Variants in STK3 observed in about 807,000 individuals in gnomAD.
STK3 encodes serine/threonine kinase 3, also known as serine/threonine-protein kinase 3.
In STK3, 41 loss-of-function variants were observed where a neutral mutation model predicts 58.0. The ratio of observed to expected loss-of-function variants is 0.71; its 90% confidence interval spans 0.55 to 0.92. STK3 has a LOEUF of 0.92. Among genes scored for constraint, STK3 ranks in the 40% least tolerant of loss-of-function variants. STK3 has a pLI of 0.00. For missense variants in STK3, 479 were observed against 602.7 expected, an observed-to-expected ratio of 0.79 and a Z score of 2.15; for synonymous variants, 170 against 191.0, an observed-to-expected ratio of 0.89 and a Z score of 0.91.
chr8:98,408,547 AT>A (rs1186772028), intron 3 of STK3, among the ~76,000 whole-genome samples: 1 of 152,088 alleles, frequency 6.6e-6, no homozygotes, highest in Non-Finnish European at 1.5e-5. Flanking sequence ...ACGCACAACA[AT>A]TTATTCTCAA....
At chr8:98,445,304 T>C (rs910454648) in intron 1 of STK3, among the ~76,000 whole-genome samples, 2 of 152,202 alleles carry the variant, frequency 1.3e-5, no homozygotes, top group African/African-American at 4.8e-5. Flanking sequence ...GCTAATAGAC[T>C]GTCACTGTCA....
At chr8:98,656,501 C>CT (rs1821541537) in intron 6 of STK3, among the ~76,000 whole-genome samples, 2 of 151,476 alleles carry the variant, frequency 1.3e-5, no homozygotes, top group Admixed American at 6.6e-5. Flanking sequence ...AAAAAGTTTC[C>CT]TTTTTTATAT....
At chr8:98,352,436 A>G in the STK3 span, among the ~76,000 whole-genome samples, 1 of 152,176 alleles carries the variant, frequency 6.6e-6, no homozygotes. Context: ...CTGAAATCCA[A>G]AATACTCCAG....
chr8:98,349,509 C>G, the STK3 span, among the ~76,000 whole-genome samples: 1 of 152,228 alleles, frequency 6.6e-6, no homozygotes, highest in Non-Finnish European at 1.5e-5. Context: ...GCCCTCTTCT[C>G]CCAGCTCCAC....
intron 1 of STK3, among the ~76,000 whole-genome samples, chr8:98,442,734 T>C (rs1818742694): frequency 6.6e-6 from 1 of 152,242 alleles, no homozygotes. Context: ...AACAAATGTA[T>C]AAAATAAAGA....
downstream of STK3, among the ~76,000 whole-genome samples, chr8:98,396,710 T>G (rs755946405): frequency 6.6e-6 from 1 of 152,176 alleles, no homozygotes; most frequent in Non-Finnish European, 1.5e-5. Flanking sequence ...TGGGAGGCAG[T>G]GACTGGGTGG....
chr8:98,595,595 T>C (rs1026137454), intron 7 of STK3: 1 of 152,414 alleles, frequency 6.6e-6, no homozygotes, highest in Non-Finnish European at 1.5e-5. Context: ...ATACAAAGTC[T>C]ACTTACAATT....
chr8:98,585,947 G>A (rs546946254), intron 7 of STK3, among the ~76,000 whole-genome samples: 1 of 152,214 alleles, frequency 6.6e-6, no homozygotes, highest in East Asian at 1.9e-4. Context: ...CATTGATTTT[G>A]TATCCTGAAA....
chr8:98,917,201 TGCCTTGAC>T (rs1316588752), intron 1 of STK3, among the ~76,000 whole-genome samples: 5 of 152,234 alleles, frequency 3.3e-5, no homozygotes, highest in African/African-American at 1.2e-4. Flanking sequence ...CCTGTTTAAT[TGCCTTGAC>T]ACACAATAGG....
At chr8:98,569,630 G>A (rs1178514633) in intron 8 of STK3, among the ~76,000 whole-genome samples, 18 of 151,978 alleles carry the variant, frequency 1.2e-4, no homozygotes, top group Admixed American at 1.2e-3. Context: ...CAAAAACGGA[G>A]ACAATTATTG....
intron 10 of STK3, among the ~76,000 whole-genome samples, chr8:98,469,014 C>T (rs1364932660): frequency 6.6e-6 from 1 of 151,950 alleles, no homozygotes; most frequent in African/African-American, 2.4e-5. Flanking sequence ...GAGGCTGAGG[C>T]AGCAGAATCG....
intron 1 of STK3, among the ~76,000 whole-genome samples, chr8:98,919,738 A>G (rs1314893131): frequency 6.6e-6 from 1 of 152,234 alleles, no homozygotes; most frequent in Non-Finnish European, 1.5e-5. Flanking sequence ...AGTGTTCATT[A>G]TACTATTGGA....
intron 1 of STK3, among the ~76,000 whole-genome samples, chr8:98,382,126 A>C (rs1044103416): frequency 6.6e-6 from 1 of 152,142 alleles, no homozygotes; most frequent in Non-Finnish European, 1.5e-5. Flanking sequence ...AGCTGAGTGC[A>C]GACTGGGGCA....
intron 6 of STK3, among the ~76,000 whole-genome samples, chr8:98,608,928 T>C (rs1360750194): frequency 6.6e-6 from 1 of 152,256 alleles, no homozygotes; most frequent in African/African-American, 2.4e-5. Context: ...ATTTTTAAAG[T>C]AATAAATTGG....
intron 1 of STK3, chr8:98,905,359 T>C (rs1838852996): frequency 9.7e-7 from 1 of 1,028,744 alleles, no homozygotes; most frequent in Non-Finnish European, 1.5e-6. Context: ...TCACATTCAA[T>C]GACTGGACCA....
intron 6 of STK3, among the ~76,000 whole-genome samples, chr8:98,696,085 T>C (rs1824891628): frequency 6.6e-6 from 1 of 152,178 alleles, no homozygotes. Flanking sequence ...TTCATGTCCC[T>C]TGTAAGTTGG....
chr8:98,901,119 G>A (rs1312721514), intron 1 of STK3, among the ~76,000 whole-genome samples: 1 of 151,862 alleles, frequency 6.6e-6, no homozygotes, highest in East Asian at 1.9e-4. Flanking sequence ...GATGAGTTTG[G>A]GCCCTGTGTG....
chr8:98,850,392 AC>A (rs1836412081), intron 3 of STK3, among the ~76,000 whole-genome samples: 1 of 152,170 alleles, frequency 6.6e-6, no homozygotes, highest in Non-Finnish European at 1.5e-5. Flanking sequence ...TGGGACAAGG[AC>A]CCTGTCTTCA....
chr8:98,881,745 T>C (rs1489968712), downstream of STK3: 1 of 152,224 alleles, frequency 6.6e-6, no homozygotes, highest in African/African-American at 2.4e-5. Flanking sequence ...TTTAAATATA[T>C]GATCAAAATT....
Sources: allele counts gnomAD v4.1 joint callset (sites outside exome capture counted in the v4.1 genomes callset), GRCh38; gene constraint gnomAD v4.1.1; transcripts MANE v1.5; gene names NCBI Gene and HGNC (gene_info 2026-07-23, HGNC 2026-07-21).